ADAMTS16: variants seen among roughly 807,000 people sequenced by gnomAD.
The protein encoded by ADAMTS16 is A disintegrin and metalloproteinase with thrombospondin motifs 16.
A neutral mutation model predicts 145.8 loss-of-function variants in ADAMTS16; 94 were observed. That is an observed-to-expected ratio of 0.64 (90% CI 0.55 to 0.77). The LOEUF (loss-of-function observed/expected upper bound fraction) is 0.77, where lower values mean the gene tolerates loss of function less well. ADAMTS16 is among the 30% of genes least tolerant of loss of function. The pLI is 0.00. For synonymous variants in ADAMTS16, 659 were observed against 604.3 expected (o/e 1.09, Z -1.33); for missense variants, 1,585 against 1,591.5 (o/e 1.00, Z 0.07).
chr5:5,283,474 C>G (rs1198405323), intron 18 of ADAMTS16, among the ~76,000 whole-genome samples: 2 of 152,006 alleles, frequency 1.3e-5, no homozygotes, highest in Non-Finnish European at 2.9e-5. Flanking sequence ...CTCCCCCCAC[C>G]TCCCCCCCAG....
At chr5:5,237,169 A>G (rs1737133738) in intron 14 of ADAMTS16, 70 bp downstream of exon 14, 2 of 1,522,712 alleles carry the variant, frequency 1.3e-6, no homozygotes, top group Admixed American at 1.9e-5. Context: ...CATCCTGTAG[A>G]GGCTAGAAAG....
Position 5,239,941 on chromosome 5 carries a change from T to C in ADAMTS16, c.2523+16T>C. On this transcript the variant is annotated intron_variant, in intron 16 of 22. Coordinates refer to ENST00000274181, the MANE Select transcript of ADAMTS16 (RefSeq NM_139056.4). Reference sequence around the variant, plus strand: ...GATTGTGGAGGTAAAGTCCAGCCTCTTGATTTTGGGGCTTGGATTTTGGGG... The same window carrying C: ...GATTGTGGAGGTAAAGTCCAGCCTCCTGATTTTGGGGCTTGGATTTTGGGG... 6.2e-7 allele frequency: 1 copy of C among 1,611,808 alleles called. No homozygotes were observed. The highest frequency in any genetic ancestry group is 1.1e-5 in the South Asian group (1 of 90,942).
intron 11 of ADAMTS16, among the ~76,000 whole-genome samples, chr5:5,224,657 G>A (rs1023227907): frequency 6.6e-6 from 1 of 152,224 alleles, no homozygotes; most frequent in African/African-American, 2.4e-5. Flanking sequence ...AATTGTCAAA[G>A]GACATCAGGT....
intron 17 of ADAMTS16, among the ~76,000 whole-genome samples, chr5:5,254,921 G>A (rs1737733560): frequency 6.6e-6 from 1 of 152,050 alleles, no homozygotes; most frequent in Non-Finnish European, 1.5e-5. Flanking sequence ...CAATTTAATA[G>A]CTTTGGTGTT....
chr5:5,250,763 ATG>A (rs1737601018), intron 17 of ADAMTS16, among the ~76,000 whole-genome samples: 1 of 147,876 alleles, frequency 6.8e-6, no homozygotes, highest in South Asian at 2.1e-4. Flanking sequence ...AGGCACAGAG[ATG>A]TGTGTTTTAA....
chr5:5,235,417 C>T (rs1002202688), intron 13 of ADAMTS16, among the ~76,000 whole-genome samples: 11 of 152,010 alleles, frequency 7.2e-5, no homozygotes, highest in Non-Finnish European at 1.3e-4. Flanking sequence ...AGATAGAAAG[C>T]GTGTGCATAA....
intron 17 of ADAMTS16, among the ~76,000 whole-genome samples, chr5:5,249,238 C>A (rs1330975687): frequency 6.6e-6 from 1 of 152,270 alleles, no homozygotes; most frequent in African/African-American, 2.4e-5. Flanking sequence ...TGATTAAGGA[C>A]CCAAGAAAAA....
intron 18 of ADAMTS16, among the ~76,000 whole-genome samples, chr5:5,270,212 A>C: frequency 6.6e-6 from 1 of 152,220 alleles, no homozygotes; most frequent in East Asian, 1.9e-4. Flanking sequence ...GAGCTTAGTA[A>C]ATTTCTGTCT....
intron 3 of ADAMTS16, among the ~76,000 whole-genome samples, chr5:5,172,465 A>C (rs1167023586): frequency 1.3e-5 from 2 of 151,922 alleles, no homozygotes; most frequent in Non-Finnish European, 2.9e-5. Context: ...TTTTCAAATA[A>C]ATTTAATTTT....
chr5:5,143,193 C>A (rs1177050640), intron 2 of ADAMTS16, among the ~76,000 whole-genome samples: 1 of 152,052 alleles, frequency 6.6e-6, no homozygotes, highest in Non-Finnish European at 1.5e-5. Context: ...GAACAGGCAA[C>A]CTAGAGAATG....
chr5:5,216,289 A>G (rs1013462936), intron 10 of ADAMTS16, among the ~76,000 whole-genome samples: 2 of 152,066 alleles, frequency 1.3e-5, no homozygotes, highest in African/African-American at 2.4e-5. Context: ...TTCCCTGATC[A>G]TTAGTGATGT....
chr5:5,277,981 TA>T (rs1019564865), intron 18 of ADAMTS16, among the ~76,000 whole-genome samples: 1 of 151,466 alleles, frequency 6.6e-6, no homozygotes, highest in Non-Finnish European at 1.5e-5. Context: ...GACTCTGTCT[TA>T]AAAAAAAGAA....
intron 12 of ADAMTS16, 31 bp from the exon 13 acceptor site, chr5:5,234,983 A>G (rs2913631): frequency 0.75 from 1,115,556 of 1,492,846 alleles, 419,226 homozygotes; most frequent in Admixed American, 0.83. Flanking sequence ...ACTAAAATAT[A>G]AAAATTCTAA....
At chr5:5,249,929 C>T (rs914748717) in intron 17 of ADAMTS16, among the ~76,000 whole-genome samples, 1 of 152,146 alleles carries the variant, frequency 6.6e-6, no homozygotes, top group Non-Finnish European at 1.5e-5. Context: ...TAATCTTCCC[C>T]TGGAGTCTGG....
At position 5,163,035 on chromosome 5, in the gene ADAMTS16, G is replaced by A. The variant is rs891330335; in HGVS notation, c.501+16580G>A. On this transcript the variant is annotated intron_variant, in intron 3 of 22. Transcript: ENST00000274181. ...ATGCTCGTGGAGAATTTACAGGAAG[G>A]TGACTTCAGGGAGCTTCGTGGTAAC... 2.6e-5 allele frequency among the ~76,000 whole-genome samples: 4 copies of A among 152,150 alleles called. No homozygotes were observed. The East Asian group carries it at 7.7e-4, about 29-fold the overall frequency.
At chr5:5,302,672 T>C (rs1443627743) in intron 18 of ADAMTS16, among the ~76,000 whole-genome samples, 1 of 152,178 alleles carries the variant, frequency 6.6e-6, no homozygotes, top group Non-Finnish European at 1.5e-5. Flanking sequence ...ATCTGGACTT[T>C]ATTAGGATCC....
At chr5:5,146,499 T>C in intron 3 of ADAMTS16, 44 bp downstream of exon 3, 3 of 1,550,094 alleles carry the variant, frequency 1.9e-6, no homozygotes, top group East Asian at 2.3e-5. Context: ...AGGTTGGTGA[T>C]GGTGGAAAGG....
At chr5:5,207,750 C>T (rs1463924414) in intron 9 of ADAMTS16, among the ~76,000 whole-genome samples, 1 of 149,798 alleles carries the variant, frequency 6.7e-6, no homozygotes, top group African/African-American at 2.5e-5. Flanking sequence ...TAAATTTTAT[C>T]AAATGGTTTT....
chr5:5,148,979 G>C (rs1734372942), intron 3 of ADAMTS16, among the ~76,000 whole-genome samples: 1 of 152,140 alleles, frequency 6.6e-6, no homozygotes, highest in African/African-American at 2.4e-5. Flanking sequence ...TCCAAGCCCT[G>C]TCCTCATAGT....
Sources: allele counts gnomAD v4.1 joint callset (sites outside exome capture counted in the v4.1 genomes callset), GRCh38; gene constraint gnomAD v4.1.1; transcripts MANE v1.5; gene names NCBI Gene and HGNC (gene_info 2026-07-23, HGNC 2026-07-21).